NRN1: variants seen among roughly 807,000 people sequenced by gnomAD.
NRN1 encodes neuritin 1, also known as neuritin.
In NRN1, 4 loss-of-function variants were observed where a neutral mutation model predicts 15.0. That is an observed-to-expected ratio of 0.27 (90% confidence interval 0.13 to 0.61). The LOEUF is 0.61. Ranked by LOEUF, NRN1 falls within the 20% of genes least tolerant of loss-of-function variation. NRN1 has a pLI of 0.87. For synonymous variants in NRN1, 85 were observed against 79.8 expected (o/e 1.07, Z -0.35); for missense variants, 134 against 181.9 (o/e 0.74, Z 1.51).
At chr6:5,999,418 G>A (rs1757869819) in intron 2 of NRN1, among the ~76,000 whole-genome samples, 1 of 152,238 alleles carries the variant, frequency 6.6e-6, no homozygotes, top group Non-Finnish European at 1.5e-5. Context: ...CTAAAGCGGG[G>A]GTGGGGGGGC....
Position 5,999,115 on chromosome 6 carries a change from T to C in NRN1, c.290A>G (p.Glu97Gly). 6.2e-7 allele frequency: 1 copy of C among 1,614,196 alleles called. No individual in the cohort carries two copies. Among genetic ancestry groups the C allele is most frequent in the Non-Finnish European group, 8.5e-7 (1 of 1,180,026 alleles). ...GCCTTGGATGTTGAGGTTTTTGGAT[T>C]CTTTTCTCAGTTTATCCCACATATC... ...AKDMWDKLRK[E>G]SKNLNIQGSL... Residue 97 changes from glutamate (E) to glycine (G), a missense_variant, in exon 3 of 3, where the codon GAA becomes GGA. Glu to Gly is a moderately conservative substitution (Grantham distance 98). Coordinates refer to ENST00000244766, the MANE Select transcript of NRN1 (RefSeq NM_016588.3).
intron 1 of NRN1, 87 bp from the exon 2 acceptor site, chr6:6,002,584 C>T (rs559055707): frequency 1.3e-6 from 2 of 1,522,638 alleles, no homozygotes; most frequent in Non-Finnish European, 1.8e-6. Flanking sequence ...TGGCTCCGCG[C>T]GGCCTCATCG....
chr6:5,999,762 T>A (rs923130705), intron 2 of NRN1, among the ~76,000 whole-genome samples: 1 of 152,118 alleles, frequency 6.6e-6, no homozygotes, highest in Non-Finnish European at 1.5e-5. Context: ...TACTACCTCT[T>A]CCTTTTGTTT....
At position 6,006,917 on chromosome 6, in the gene NRN1, C is replaced by G. The variant is rs1758125391; in HGVS notation, c.-168G>C. 18 of 328,628 alleles carry G rather than the reference C, an allele frequency of 5.5e-5. No individual in the cohort carries two copies. The highest frequency in any genetic ancestry group is 1.1e-4 in the South Asian group (4 of 36,184). 20.4% of individuals were successfully genotyped at this position (328,628 alleles called of 1,614,324 possible). A position where few individuals can be genotyped will look rare whatever the true frequency, so the allele number is the denominator to read the frequency against. ...AGAAAGAGAGGGAGCGAGGAAGAGACAGAAAGAGAGAGAGAGAGAGAAAGA... is the reference window on the plus strand; with the variant it reads ...AGAAAGAGAGGGAGCGAGGAAGAGAGAGAAAGAGAGAGAGAGAGAGAAAGA... On this transcript the variant is annotated 5_prime_UTR_variant, in exon 1 of 3. Transcript: ENST00000244766.
chr6:6,003,397 C>A, intron 1 of NRN1: 1 of 518,956 alleles, frequency 1.9e-6, no homozygotes, highest in Non-Finnish European at 3.0e-6. Context: ...CGCCACTCGG[C>A]TCCCCAGACA....
chr6:6,006,165 C>A (rs901811477), intron 1 of NRN1, among the ~76,000 whole-genome samples: 1 of 151,968 alleles, frequency 6.6e-6, no homozygotes, highest in African/African-American at 2.4e-5. Flanking sequence ...GCCGGGTCTG[C>A]GGTGCCCGTG....
intron 1 of NRN1, chr6:6,003,785 C>T (rs1234090970): frequency 4.9e-6 from 6 of 1,234,000 alleles, no homozygotes; most frequent in Non-Finnish European, 5.1e-6. Flanking sequence ...CCTAGCGGCC[C>T]AAAGCAGCCC....
chr6:6,005,452 G>A (rs930112644), intron 1 of NRN1, among the ~76,000 whole-genome samples: 1 of 152,146 alleles, frequency 6.6e-6, no homozygotes, highest in Non-Finnish European at 1.5e-5. Flanking sequence ...TAATGTTTCT[G>A]CATTATAAAA....
intron 1 of NRN1, among the ~76,000 whole-genome samples, chr6:6,006,224 A>C (rs1323146288): frequency 1.3e-5 from 2 of 152,214 alleles, no homozygotes; most frequent in African/African-American, 4.8e-5. Flanking sequence ...GGAGAATGAC[A>C]AAGTTCTAAA....
intron 1 of NRN1, chr6:6,003,667 C>CT: frequency 1.6e-6 from 2 of 1,227,742 alleles, no homozygotes; most frequent in East Asian, 6.3e-5. Flanking sequence ...CTCTGGACGG[C>CT]CAAACCCCGA....
At position 6,002,390 on chromosome 6, in the gene NRN1, C is replaced by T. The variant is rs757339475; in HGVS notation, c.163G>A (p.Gly55Ser). The change falls in exon 2 of 3, where the codon GGC becomes AGC. Residue 55 changes from glycine (G) to serine (S), a missense_variant. By Grantham distance (56) the Gly-to-Ser change is moderately conservative (BLOSUM62 0). Coordinates refer to ENST00000244766, the MANE Select transcript of NRN1 (RefSeq NM_016588.3). ...LGDSMANYPQ[G>S]LDDKTNIKTV... is the part of the protein sequence containing the mutation. ...TTGATGTTCGTCTTGTCGTCCAGGC[C>T]CTGCGGGTAGTTGGCCATGCTGTCG... The T allele has an allele frequency of 4.3e-6, 7 of 1,614,122 alleles. No homozygotes were observed. The highest frequency in any genetic ancestry group is 5.1e-6 in the Non-Finnish European group (6 of 1,180,032).
chr6:5,999,035 C>T lies in NRN1; in HGVS notation c.370G>A (p.Ala124Thr), dbSNP rs138983902. 15 of 1,613,652 alleles carry T rather than the reference C, an allele frequency of 9.3e-6. No homozygotes were observed. The African/African-American group carries it at 2.0e-4, about 22-fold the overall frequency. Residue 124 changes from alanine (A) to threonine (T), a missense_variant, in exon 3 of 3, where the codon GCG becomes ACG. Physicochemically the swap from Ala to Thr is moderately conservative, Grantham distance 58 (BLOSUM62 0). Coordinates refer to ENST00000244766, the MANE Select transcript of NRN1 (RefSeq NM_016588.3). ...GNGAAGSLLP[A>T]FPVLLVSLSA... ...AGAGACACCAGGAGCACCGGGAACG[C>T]CGGGAGCAGGGACCCCGCCGCCCCG...
In NRN1 at chr6:6,006,896, A is replaced by C. The variant is rs902744851; in HGVS notation, c.-147T>G. ...CTGGGAAGGCAGAGGGAGGAGAGAA[A>C]GAGAGGGAGCGAGGAAGAGACAGAA... On this transcript the variant is annotated 5_prime_UTR_variant, in exon 1 of 3. Transcript: ENST00000244766. The C allele has an allele frequency of 2.8e-5, 16 of 575,800 alleles. No homozygotes were observed. Among genetic ancestry groups the C allele is most frequent in the African/African-American group, 1.9e-4 (10 of 51,818 alleles). The allele number at this position is 575,800 out of a possible 1,614,324, so 35.7% of individuals were successfully genotyped here.
intron 2 of NRN1, among the ~76,000 whole-genome samples, chr6:6,000,412 G>A (rs676204): frequency 0.45 from 68,094 of 152,002 alleles, 16,451 homozygotes; most frequent in East Asian, 0.74. Context: ...AGCTGGGTCG[G>A]TCTGCGCCTC....
chr6:6,000,236 T>C (rs1440466127), intron 2 of NRN1, among the ~76,000 whole-genome samples: 1 of 152,156 alleles, frequency 6.6e-6, no homozygotes, highest in African/African-American at 2.4e-5. Flanking sequence ...GGCGCCTAAC[T>C]CAACCACTTC....
In NRN1 at chr6:6,006,891, G is replaced by A. The variant is rs1758124405; in HGVS notation, c.-142C>T. 1 of 574,014 alleles carries A rather than the reference G, an allele frequency of 1.7e-6. No homozygotes were observed. Among genetic ancestry groups the A allele is most frequent in the Non-Finnish European group, 3.3e-6 (1 of 306,762 alleles). The allele number at this position is 574,014 out of a possible 1,614,324, so 35.6% of individuals were successfully genotyped here. Reference sequence around the variant, plus strand: ...ATGCACTGGGAAGGCAGAGGGAGGAGAGAAAGAGAGGGAGCGAGGAAGAGA... The same window carrying A: ...ATGCACTGGGAAGGCAGAGGGAGGAAAGAAAGAGAGGGAGCGAGGAAGAGA... On this transcript the variant is annotated 5_prime_UTR_variant, in exon 1 of 3. Coordinates refer to ENST00000244766, the MANE Select transcript of NRN1 (RefSeq NM_016588.3).
chr6:5,998,746 G>A lies in NRN1; in HGVS notation c.*230C>T. The stretch of plus-strand genomic sequence containing the variant: ...TGTGTGAAGACGGACTAAAGCTGAG[G>A]TCCGATTTTGGCTGTGCTTGCTTGC... On this transcript the variant is annotated 3_prime_UTR_variant, in exon 3 of 3. Coordinates refer to ENST00000244766, the MANE Select transcript of NRN1 (RefSeq NM_016588.3). 1.9e-6 allele frequency: 1 copy of A among 514,058 alleles called. No individual in the cohort carries two copies. The highest frequency in any genetic ancestry group is 3.5e-6 in the Non-Finnish European group (1 of 289,338). 31.8% of individuals were successfully genotyped at this position (514,058 alleles called of 1,614,324 possible). A position where few individuals can be genotyped will look rare whatever the true frequency, so the allele number is the denominator to read the frequency against.
At position 5,998,367 on chromosome 6, in the gene NRN1, C is replaced by T. The variant is rs1757825273; in HGVS notation, c.*609G>A. The T allele has an allele frequency of 6.6e-6, 1 of 152,380 alleles. No homozygotes were observed. The highest frequency in any genetic ancestry group is 6.5e-5 in the Admixed American group (1 of 15,298). The allele number at this position is 152,380 out of a possible 1,614,324, so 9.4% of individuals were successfully genotyped here. A position where few individuals can be genotyped will look rare whatever the true frequency, so the allele number is the denominator to read the frequency against. ...TTTACTCTTACCCCAGAGATTTCCT[C>T]AGCCCCTTCCCTCTCTCCCTCCTAT... On this transcript the variant is annotated 3_prime_UTR_variant, in exon 3 of 3. Coordinates refer to ENST00000244766, the MANE Select transcript of NRN1 (RefSeq NM_016588.3).
chr6:5,999,021 G>A lies in NRN1; in HGVS notation c.384C>T (p.Leu128=), dbSNP rs140163412. The change falls in exon 3 of 3, where the codon CTC becomes CTT. Residue 128 remains leucine (L), a synonymous_variant. Coordinates refer to ENST00000244766, the MANE Select transcript of NRN1 (RefSeq NM_016588.3). ...AGSLLPAFPV[L]LVSLSAALAT... Reference sequence around the variant, plus strand: ...CTAAAGCTGCCGAGAGAGACACCAGGAGCACCGGGAACGCCGGGAGCAGGG... The same window carrying A: ...CTAAAGCTGCCGAGAGAGACACCAGAAGCACCGGGAACGCCGGGAGCAGGG... 20,202 of 1,613,440 alleles carry A rather than the reference G, an allele frequency of 0.013. 163 individuals are homozygous for A. The highest frequency in any genetic ancestry group is 0.014 in the Non-Finnish European group (16,500 of 1,179,786).
Sources: allele counts gnomAD v4.1 joint callset (sites outside exome capture counted in the v4.1 genomes callset), GRCh38; gene constraint gnomAD v4.1.1; transcripts MANE v1.5; gene names NCBI Gene and HGNC (gene_info 2026-07-23, HGNC 2026-07-21).